TMEM201: variants seen among roughly 807,000 people sequenced by gnomAD.
The protein encoded by TMEM201 is transmembrane protein 201.
Under a neutral mutation model 63.4 loss-of-function variants are expected in TMEM201, and 26 were observed. That is an observed-to-expected ratio of 0.41 (90% confidence interval 0.30 to 0.57). The LOEUF is 0.57. Ranked by LOEUF, TMEM201 falls within the 20% of genes least tolerant of loss-of-function variation. The pLI, the probability that TMEM201 is intolerant of heterozygous loss-of-function variation, is 0.29. For synonymous variants in TMEM201, 417 were observed against 421.6 expected (o/e 0.99, Z 0.14); for missense variants, 794 against 917.7 (o/e 0.87, Z 1.74).
At chr1:9,598,423 C>G in intron 3 of TMEM201, 26 bp from the exon 4 acceptor site, 1 of 1,599,220 alleles carries the variant, frequency 6.3e-7, no homozygotes, top group Non-Finnish European at 8.6e-7. Flanking sequence ...CCTGCAGATG[C>G]CGAGCCTGTT....
chr1:9,594,975 GCTCA>G (rs1286771389), intron 1 of TMEM201, among the ~76,000 whole-genome samples: 1 of 152,240 alleles, frequency 6.6e-6, no homozygotes. Flanking sequence ...TCTGGCAGGG[GCTCA>G]AGCGGTGTCC....
rs142926929 is a variant in TMEM201, at chr1:9,596,947, C to T, written c.323C>T (p.Ser108Leu). 1.8e-4 allele frequency: 290 copies of T among 1,612,952 alleles called. 2 individuals are homozygous for T. In the African/African-American group the frequency reaches 3.2e-3, roughly 18 times the overall value. Residue 108 changes from serine (S) to leucine (L), a missense_variant, in exon 3 of 11, where the codon TCG (serine) becomes TTG (leucine). Transcript: ENST00000340381. The stretch of plus-strand genomic sequence containing the variant: ...AGCGCGCCCAGCCTGCGCGACCCTT[C>T]GCAGCCGCAGCAGTGGGTGAGCAGC... ...VSSAPSLRDPSQPQQWVSSQV... is the reference protein window; with the variant it reads ...VSSAPSLRDPLQPQQWVSSQV...
chr1:9,610,664 C>T lies in TMEM201; in HGVS notation c.1624C>T (p.Leu542=), dbSNP rs1296323070. ...CAACCTGAAGGGACAGAAGCTGCTG[C>T]TGTTCCCGTCACCCCCTGGAGAGGC... ...RLNLKGQKLL[L]FPSPPGEAPT... is the part of the protein sequence containing the mutation. Residue 542 remains leucine (L), a synonymous_variant, in exon 9 of 11, where the codon CTG becomes TTG. Transcript: ENST00000340381. The surrounding 1 kb of genome is among the most constrained non-coding windows in gnomAD (Gnocchi z 4.9). 8 of 1,550,668 alleles carry T rather than the reference C, an allele frequency of 5.2e-6. No homozygotes were observed. The highest frequency in any genetic ancestry group is 7.0e-6 in the Non-Finnish European group (8 of 1,146,906).
At chr1:9,606,844 C>T (rs923411902) in intron 6 of TMEM201, among the ~76,000 whole-genome samples, 2 of 152,208 alleles carry the variant, frequency 1.3e-5, no homozygotes, top group Non-Finnish European at 2.9e-5. Context: ...GCCTTGCGGT[C>T]GTGGATGGGT....
chr1:9,593,507 T>TA (rs1432073277), intron 1 of TMEM201, among the ~76,000 whole-genome samples: 1 of 152,190 alleles, frequency 6.6e-6, no homozygotes, highest in Non-Finnish European at 1.5e-5. Context: ...TGACAGGAGT[T>TA]AGAGCTGCTG....
chr1:9,611,967 G>A, intron 10 of TMEM201, 77 bp downstream of exon 10: 1 of 1,433,928 alleles, frequency 7.0e-7, no homozygotes, highest in Non-Finnish European at 9.2e-7. Context: ...GGGGTCCAGA[G>A]CACTGACAGA....
intron 1 of TMEM201, among the ~76,000 whole-genome samples, chr1:9,591,284 T>C (rs1320391209): frequency 6.6e-6 from 1 of 152,254 alleles, no homozygotes; most frequent in Non-Finnish European, 1.5e-5. Flanking sequence ...AAACCAAAGC[T>C]TGGGGAGGTT....
Position 9,608,036 on chromosome 1 carries a change from A to G in TMEM201, c.1393+247A>G, listed in dbSNP as rs1426242182. Among the ~76,000 whole-genome samples the G allele has an allele frequency of 6.6e-6, 1 of 152,166 alleles. No homozygotes were observed. The highest frequency in any genetic ancestry group is 2.4e-5 in the African/African-American group (1 of 41,432). On this transcript the variant is annotated intron_variant, in intron 7 of 10. Coordinates refer to ENST00000340381, the MANE Select transcript of TMEM201 (RefSeq NM_001130924.3). The surrounding 1 kb of genome is among the most constrained non-coding windows in gnomAD (Gnocchi z 4.3). ...GAGGATGGCTTGAGGCTAGGAGTTC[A>G]AGACCAGCCTGGGCAACATAGGGAG...
At chr1:9,599,084 G>A (rs1436976018) in intron 4 of TMEM201, among the ~76,000 whole-genome samples, 2 of 151,902 alleles carry the variant, frequency 1.3e-5, no homozygotes, top group African/African-American at 4.8e-5. Flanking sequence ...GGGATTACAG[G>A]CACCCGCCAT....
At chr1:9,609,166 C>T (rs1241089192) in intron 7 of TMEM201, among the ~76,000 whole-genome samples, 2 of 152,220 alleles carry the variant, frequency 1.3e-5, no homozygotes, top group Non-Finnish European at 2.9e-5. Context: ...CCCTGGTTGG[C>T]ATGCTGGGTC....
At chr1:9,602,348 G>T in intron 6 of TMEM201, 76 bp downstream of exon 6, 1 of 1,557,008 alleles carries the variant, frequency 6.4e-7, no homozygotes, top group Non-Finnish European at 8.7e-7. Context: ...TCCGAAGCGG[G>T]CCCCTCTCTG....
intron 3 of TMEM201, 138 bp from the exon 4 acceptor site, chr1:9,598,311 G>A: frequency 1.0e-6 from 1 of 973,194 alleles, no homozygotes; most frequent in Non-Finnish European, 1.5e-6. Context: ...AGGGGAAGCA[G>A]GTTCAAAGTG....
Position 9,613,180 on chromosome 1 carries a change from C to A in TMEM201, c.*97C>A. The A allele has an allele frequency of 8.2e-7, 1 of 1,215,816 alleles. No individual in the cohort carries two copies. The highest frequency in any genetic ancestry group is 1.3e-5 in the South Asian group (1 of 76,856). 75.3% of individuals were successfully genotyped at this position (1,215,816 alleles called of 1,614,324 possible). A position where few individuals can be genotyped will look rare whatever the true frequency, so the allele number is the denominator to read the frequency against. ...TCCCTGGAGGGGCTGCCACCTCTGC[C>A]CTCATCTCCAGGGCCTTGACCTCAC... is the stretch of plus-strand genomic sequence containing the variant. On this transcript the variant is annotated 3_prime_UTR_variant, in exon 11 of 11. Transcript: ENST00000340381.
chr1:9,609,498 G>A (rs556542536), intron 7 of TMEM201, among the ~76,000 whole-genome samples: 1 of 152,320 alleles, frequency 6.6e-6, no homozygotes, highest in Admixed American at 6.5e-5. Flanking sequence ...GGAACGAGGA[G>A]TGGACAATAT....
Position 9,596,661 on chromosome 1 carries a change from C to T in TMEM201, c.235-198C>T, listed in dbSNP as rs184409831. ...TGTGCTCAGGCTAGGTGGCTTCACT[C>T]GGCATCTGGGCCTTTGGGTTCCATG... is the stretch of plus-strand genomic sequence containing the variant. On this transcript the variant is annotated intron_variant, in intron 2 of 10. Coordinates refer to ENST00000340381, the MANE Select transcript of TMEM201 (RefSeq NM_001130924.3). 1.3e-4 allele frequency among the ~76,000 whole-genome samples: 20 copies of T among 152,290 alleles called. No homozygotes were observed. The East Asian group carries it at 3.3e-3, about 25-fold the overall frequency.
Position 9,613,003 on chromosome 1 carries a change from C to G in TMEM201, c.1921C>G (p.Leu641Val). 3 of 1,551,618 alleles carry G rather than the reference C, an allele frequency of 1.9e-6. No homozygotes were observed. The South Asian group carries it at 3.6e-5, about 18-fold the overall frequency. Residue 641 changes from leucine (L) to valine (V), a missense_variant, in exon 11 of 11, where the codon CTG becomes GTG. Physicochemically the swap from Leu to Val is conservative, Grantham distance 32. Transcript: ENST00000340381. Reference protein sequence around the residue: ...ATWRGRFGPSLVRGLLAVSLA... With the variant: ...ATWRGRFGPSVVRGLLAVSLA... ...CTTTGCAGGTCGTTTCGGCCCTTCC[C>G]TGGTCCGGGGCCTCCTGGCCGTGAG...
In TMEM201 at chr1:9,595,940, C is replaced by A. The variant is rs759038883; in HGVS notation, c.164C>A (p.Thr55Lys). ...MVNCWFCNQD[T>K]LVPYGNRNCW... is the part of the protein sequence containing the mutation. ...AACTGCTGGTTCTGCAACCAGGATACGCTGGTGCCCTATGGGAACCGCAAC... is the reference window on the plus strand; with the variant it reads ...AACTGCTGGTTCTGCAACCAGGATAAGCTGGTGCCCTATGGGAACCGCAAC... The change falls in exon 2 of 11, where the codon ACG becomes AAG. Residue 55 changes from threonine to lysine, a missense_variant. Transcript: ENST00000340381. 1 of 1,613,672 alleles carries A rather than the reference C, an allele frequency of 6.2e-7. No homozygotes were observed. The highest frequency in any genetic ancestry group is 1.7e-5 in the Admixed American group (1 of 60,016).
intron 7 of TMEM201, 43 bp from the exon 8 acceptor site, chr1:9,609,797 C>T (rs1644295627): frequency 6.5e-7 from 1 of 1,543,636 alleles, no homozygotes. Context: ...CTCTGCACGT[C>T]ATCCACAGGC....
In TMEM201 at chr1:9,610,692, C is replaced by G; in HGVS notation, c.1652C>G (p.Pro551Arg). 2.6e-6 allele frequency: 4 copies of G among 1,550,568 alleles called. No homozygotes were observed. Among genetic ancestry groups the G allele is most frequent in the Non-Finnish European group, 3.5e-6 (4 of 1,146,908 alleles). Residue 551 changes from proline to arginine, a missense_variant, in exon 9 of 11, where the codon CCC becomes CGC. Pro to Arg is a moderately radical substitution (Grantham distance 103). Transcript: ENST00000340381. The surrounding 1 kb of genome is among the most constrained non-coding windows in gnomAD (Gnocchi z 4.9). ...LLFPSPPGEA[P>R]TTPSSSDEHS... is the part of the protein sequence containing the mutation. ...TTCCCGTCACCCCCTGGAGAGGCCC[C>G]CACCACGCCCAGCAGCTCCGATGAG... is the stretch of plus-strand genomic sequence containing the variant.
Sources: gnomAD v4.1 joint callset for allele counts (sites outside exome capture counted in the v4.1 genomes callset) on GRCh38, gnomAD v4.1.1 for gene constraint, Gnocchi (gnomAD v3.1) non-coding constraint, MANE v1.5 for transcripts, NCBI Gene and HGNC (gene_info 2026-07-23, HGNC 2026-07-21) for gene names.